The following PLCH2 variants were observed in gnomAD, a reference collection of about 807,000 sequenced individuals.
PLCH2 encodes phospholipase C eta 2.
In PLCH2, 98 loss-of-function variants were observed where a neutral mutation model predicts 134.7. The ratio of observed to expected loss-of-function variants is 0.73; its 90% CI spans 0.62 to 0.86. The LOEUF (loss-of-function observed/expected upper bound fraction) is 0.86, where lower values mean the gene tolerates loss of function less well. Among genes scored for constraint, PLCH2 ranks in the 40% least tolerant of loss-of-function variants. The pLI, the probability that PLCH2 is intolerant of heterozygous loss-of-function variation, is 0.00. For synonymous variants in PLCH2, 974 were observed against 827.5 expected (o/e 1.18, Z -3.04); for missense variants, 1,994 against 1,986.6 (o/e 1.00, Z -0.07).
At position 2,489,383 on chromosome 1, in the gene PLCH2, G is replaced by A. The variant is rs768905002; in HGVS notation, c.1407+5G>A. ...AAGGGCAAGATCCTCGTGAAGGTGA[G>A]TGAGCCCCTGCCCTCCTGGGACCAG... On this transcript the variant is annotated splice_donor_5th_base_variant and intron_variant, in intron 9 of 21. Coordinates refer to ENST00000378486, the MANE Select transcript of PLCH2 (RefSeq NM_014638.4). The A allele has an allele frequency of 6.8e-6, 11 of 1,613,310 alleles. No homozygotes were observed. Among genetic ancestry groups the A allele is most frequent in the African/African-American group, 1.3e-5 (1 of 75,070 alleles).
intron 2 of PLCH2, among the ~76,000 whole-genome samples, chr1:2,437,657 C>T (rs1157113067): frequency 6.6e-6 from 1 of 152,230 alleles, no homozygotes; most frequent in Non-Finnish European, 1.5e-5. Context: ...CTCCCTGCCT[C>T]TCTCTCTAGG....
chr1:2,464,174 T>G (rs1008727552), upstream of PLCH2, among the ~76,000 whole-genome samples: 8 of 152,200 alleles, frequency 5.3e-5, no homozygotes, highest in African/African-American at 1.9e-4. Context: ...GCAGCTGGGC[T>G]GTGGGAAGTC....
chr1:2,425,504 G>T (rs1255713690), upstream of PLCH2, among the ~76,000 whole-genome samples: 2 of 152,104 alleles, frequency 1.3e-5, no homozygotes, highest in Non-Finnish European at 2.9e-5. Flanking sequence ...TGCTGGATCT[G>T]CTCTGCTGGT....
the PLCH2 span, among the ~76,000 whole-genome samples, chr1:2,420,097 G>T: frequency 2.7e-5 from 4 of 149,052 alleles, no homozygotes; most frequent in Non-Finnish European, 5.9e-5. Flanking sequence ...CCCACTCCCC[G>T]CCATCTCTGG....
Position 2,476,342 on chromosome 1 carries a change from C to A in PLCH2, c.-247C>A, listed in dbSNP as rs78504402. ...GGCTGCGTCAGGGATTCCTTGGTGG[C>A]CCTGGAGGGTGGATAGGCTGGCCTG... On this transcript the variant is annotated 5_prime_UTR_variant, in exon 1 of 22. Transcript: ENST00000378486. The A allele has an allele frequency of 7.1e-6, 3 of 423,470 alleles. No individual in the cohort carries two copies. Among genetic ancestry groups the A allele is most frequent in the African/African-American group, 2.0e-5 (1 of 49,176 alleles). The allele number at this position is 423,470 out of a possible 1,614,324, so 26.2% of individuals were successfully genotyped here.
chr1:2,494,834 C>T, intron 11 of PLCH2, 22 bp from the exon 12 acceptor site: 2 of 1,555,796 alleles, frequency 1.3e-6, no homozygotes, highest in Non-Finnish European at 8.8e-7. Context: ...TCACCTTGTC[C>T]CTGTCTCTCC....
In PLCH2 at chr1:2,498,677, G is replaced by A. The variant is rs1237250165; in HGVS notation, c.2349+30G>A. 6.5e-7 allele frequency: 1 copy of A among 1,535,104 alleles called. No individual in the cohort carries two copies. Among genetic ancestry groups the A allele is most frequent in the Non-Finnish European group, 8.8e-7 (1 of 1,130,254 alleles). On this transcript the variant is annotated intron_variant, in intron 17 of 21. Coordinates refer to ENST00000378486, the MANE Select transcript of PLCH2 (RefSeq NM_014638.4). This position sits in a 1 kb window ranked among gnomAD's most constrained non-coding sequence, Gnocchi z 5.4. ...GGGCCAGCCCCACACAGGCGGGAGG[G>A]GTGGGAGTTGGGGGCGGGCCGGGCA...
upstream of PLCH2, among the ~76,000 whole-genome samples, chr1:2,473,508 C>T (rs373835616): frequency 2.0e-5 from 3 of 152,212 alleles, no homozygotes; most frequent in Admixed American, 1.3e-4. Flanking sequence ...GGGCTGAAGC[C>T]GGCCAGACCC....
At position 2,479,853 on chromosome 1, in the gene PLCH2, G is replaced by A. The variant is rs750368114; in HGVS notation, c.391G>A (p.Glu131Lys). ...CFSIYHGSHRESLDLVSTSSE... is the reference protein window; with the variant it reads ...CFSIYHGSHRKSLDLVSTSSE... Reference sequence around the variant, plus strand: ...CAGCATCTACCACGGCAGCCACCGCGAGTCGCTGGACCTGGTCTCCACCAG... The same window carrying A: ...CAGCATCTACCACGGCAGCCACCGCAAGTCGCTGGACCTGGTCTCCACCAG... Residue 131 changes from glutamate (E) to lysine (K), a missense_variant, in exon 3 of 22, where the codon GAG (glutamate) becomes AAG (lysine). Glu to Lys is a moderately conservative substitution (Grantham distance 56). Around this residue, in one of 2 missense-constraint regions of PLCH2, gnomAD observed 1,094 missense variants for 1,234.3 expected, o/e 0.89. Coordinates refer to ENST00000378486, the MANE Select transcript of PLCH2 (RefSeq NM_014638.4). The A allele has an allele frequency of 7.4e-6, 12 of 1,610,836 alleles. No homozygotes were observed. Among genetic ancestry groups the A allele is most frequent in the African/African-American group, 1.3e-5 (1 of 74,882 alleles).
chr1:2,451,142 G>A (rs1449849693), intron 2 of PLCH2, among the ~76,000 whole-genome samples: 1 of 152,132 alleles, frequency 6.6e-6, no homozygotes, highest in East Asian at 1.9e-4. Flanking sequence ...CAGCAGCTGG[G>A]CCGAGTGCGC....
chr1:2,478,860 GC>G (rs893845313), intron 2 of PLCH2, among the ~76,000 whole-genome samples: 19 of 152,140 alleles, frequency 1.2e-4, no homozygotes, highest in Admixed American at 1.0e-3. Flanking sequence ...GTAGCACTGT[GC>G]CCAGCCCTGT....
rs763767718 is a variant in PLCH2, at chr1:2,505,259, G to A, written c.*46G>A. 3.0e-5 allele frequency: 43 copies of A among 1,440,050 alleles called. 1 individual carries two copies. The highest frequency in any genetic ancestry group is 4.8e-4 in the Middle Eastern group (2 of 4,164). The allele number at this position is 1,440,050 out of a possible 1,614,324, so 89.2% of individuals were successfully genotyped here. On this transcript the variant is annotated 3_prime_UTR_variant, in exon 22 of 22. Coordinates refer to ENST00000378486, the MANE Select transcript of PLCH2 (RefSeq NM_014638.4). The stretch of plus-strand genomic sequence containing the variant: ...GGCGGCTCTGGAGGCCCAGGGCAGG[G>A]GTGGGCGTGTTGTTTGCTCAGGAAA...
chr1:2,463,977 C>T (rs988869140), upstream of PLCH2, among the ~76,000 whole-genome samples: 1 of 152,386 alleles, frequency 6.6e-6, no homozygotes. Flanking sequence ...TTCCCGGCTC[C>T]TGTCTACAGT....
intron 2 of PLCH2, among the ~76,000 whole-genome samples, chr1:2,441,792 G>A (rs1022880115): frequency 6.6e-6 from 1 of 152,140 alleles, no homozygotes; most frequent in African/African-American, 2.4e-5. Context: ...GCTGCCGCAG[G>A]GTTCACTGGG....
chr1:2,470,679 G>A (rs1238971244), intron 1 of PLCH2, among the ~76,000 whole-genome samples: 1 of 152,344 alleles, frequency 6.6e-6, no homozygotes, highest in Admixed American at 6.5e-5. Context: ...CTGGCTATGG[G>A]CTGGGGGCAG....
At chr1:2,416,133 A>AG in the PLCH2 span, among the ~76,000 whole-genome samples, 1 of 151,348 alleles carries the variant, frequency 6.6e-6, no homozygotes, top group South Asian at 2.1e-4. Context: ...CCACCGGAAC[A>AG]GGGGACTGCT....
intron 2 of PLCH2, among the ~76,000 whole-genome samples, chr1:2,446,410 T>G (rs1570281312): frequency 6.6e-6 from 1 of 151,772 alleles, no homozygotes; most frequent in Admixed American, 6.6e-5. Flanking sequence ...GGGCTGGGGG[T>G]GGGGTGGCCC....
chr1:2,486,877 G>A, intron 5 of PLCH2, 30 bp from the exon 6 acceptor site: 1 of 1,557,394 alleles, frequency 6.4e-7, no homozygotes, highest in Non-Finnish European at 8.7e-7. Flanking sequence ...GGGATGGGCT[G>A]CCTGGACTCA....
chr1:2,482,606 G>A (rs984651948), intron 4 of PLCH2, among the ~76,000 whole-genome samples: 4 of 152,214 alleles, frequency 2.6e-5, no homozygotes, highest in South Asian at 2.1e-4. Context: ...ATGCCAAGCC[G>A]TGGGTGTAGG....
Sources: gnomAD v4.1 joint callset for allele counts (sites outside exome capture counted in the v4.1 genomes callset) on GRCh38, gnomAD v4.1.1 for gene constraint, gnomAD v4.1.1 regional missense constraint, Gnocchi (gnomAD v3.1) non-coding constraint, MANE v1.5 for transcripts, NCBI Gene and HGNC (gene_info 2026-07-23, HGNC 2026-07-21) for gene names.